The following TPRG1 variants were observed in gnomAD, a reference collection of about 807,000 sequenced individuals.
TPRG1 encodes tumor protein p63 regulated 1, also known as tumor protein p63-regulated gene 1 protein.
A neutral mutation model predicts 29.3 loss-of-function variants in TPRG1; 29 were observed. That is an observed-to-expected ratio of 0.99 (90% CI 0.74 to 1.35). The LOEUF (loss-of-function observed/expected upper bound fraction) is 1.35. Ranked by LOEUF, TPRG1 falls within the 40% of genes most tolerant of loss-of-function variation. The pLI is 0.00. For missense variants in TPRG1, 327 were observed against 335.0 expected, an observed-to-expected ratio of 0.98 and a Z score of 0.19; for synonymous variants, 130 against 116.8, an observed-to-expected ratio of 1.11 and a Z score of -0.73.
At chr3:189,033,409 G>A (rs918963286) in intron 4 of TPRG1, among the ~76,000 whole-genome samples, 60 of 151,886 alleles carry the variant, frequency 4.0e-4, no homozygotes, top group African/African-American at 1.5e-3. Context: ...AGCCTCCTGA[G>A]TACCTGGGAC....
chr3:189,083,191 G>A (rs1465451103), intron 4 of TPRG1, among the ~76,000 whole-genome samples: 1 of 152,178 alleles, frequency 6.6e-6, no homozygotes, highest in Admixed American at 6.5e-5. Flanking sequence ...GTGACACTGA[G>A]CTGGGGAGGT....
intron 4 of TPRG1, among the ~76,000 whole-genome samples, chr3:189,091,283 G>C (rs1198853528): frequency 6.6e-6 from 1 of 152,014 alleles, no homozygotes; most frequent in African/African-American, 2.4e-5. Flanking sequence ...CTTTGTATAT[G>C]TGACAGATGC....
At chr3:189,024,082 C>A in intron 4 of TPRG1, 1 of 152,470 alleles carries the variant, frequency 6.6e-6, no homozygotes, top group Non-Finnish European at 1.5e-5. Context: ...CCAAGGCACA[C>A]AGGCTAGACC....
At chr3:189,131,354 C>T (rs1034716583) in intron 2 of TPRG1, among the ~76,000 whole-genome samples, 9 of 151,896 alleles carry the variant, frequency 5.9e-5, no homozygotes, top group Non-Finnish European at 1.3e-4. Context: ...TATATGTATA[C>T]GTGTATATAC....
At chr3:189,272,713 C>CTCCTTCCTTCCTTCCTTCCT (rs59828840) in intron 4 of TPRG1, among the ~76,000 whole-genome samples, 29 of 132,516 alleles carry the variant, frequency 2.2e-4, no homozygotes, top group South Asian at 5.3e-4. Context: ...TTCTTTCTTT[C>CTCCTTCCTTCCTTCCTTCCT]TCCTTCCTTC....
chr3:189,085,956 G>A (rs762755593), intron 4 of TPRG1, among the ~76,000 whole-genome samples: 10 of 152,268 alleles, frequency 6.6e-5, no homozygotes, highest in Non-Finnish European at 1.2e-4. Context: ...ATGTATATAT[G>A]AAAGGGAATT....
intron 3 of TPRG1, among the ~76,000 whole-genome samples, chr3:189,007,342 G>A (rs1399885274): frequency 1.3e-5 from 2 of 152,006 alleles, no homozygotes; most frequent in African/African-American, 2.4e-5. Context: ...CAAAACCACA[G>A]TGAGATACCA....
intron 4 of TPRG1, 69 bp downstream of exon 4, chr3:189,238,978 A>G (rs1740038260): frequency 7.0e-7 from 1 of 1,429,544 alleles, no homozygotes; most frequent in Admixed American, 2.3e-5. Context: ...ACAAGCCGAA[A>G]ATTCAGTTTG....
intron 1 of TPRG1, among the ~76,000 whole-genome samples, chr3:189,203,365 C>T (rs1422255160): frequency 2.0e-5 from 3 of 151,924 alleles, no homozygotes; most frequent in Non-Finnish European, 4.4e-5. Context: ...AAAATCAGCA[C>T]TACTGCCATT....
At chr3:189,184,420 T>C (rs1014078192) in intron 1 of TPRG1, among the ~76,000 whole-genome samples, 3 of 152,184 alleles carry the variant, frequency 2.0e-5, no homozygotes, top group Admixed American at 2.0e-4. Context: ...CATAACTCCA[T>C]TGTTTAAGTA....
At chr3:189,227,779 A>G (rs1737988785) in intron 3 of TPRG1, among the ~76,000 whole-genome samples, 1 of 152,242 alleles carries the variant, frequency 6.6e-6, no homozygotes, top group South Asian at 2.1e-4. Context: ...GCCTCCAGCC[A>G]GAGTGCCAGA....
intron 3 of TPRG1, among the ~76,000 whole-genome samples, chr3:189,221,249 A>C (rs1045378723): frequency 6.6e-6 from 1 of 152,230 alleles, no homozygotes; most frequent in South Asian, 2.1e-4. Context: ...TAATCTTCAC[A>C]GTAACAGTCT....
intron 1 of TPRG1, 106 bp downstream of exon 1, chr3:189,172,237 C>T (rs1333959497): frequency 5.9e-5 from 9 of 152,372 alleles, no homozygotes; most frequent in African/African-American, 2.2e-4. Context: ...CCCCCACTGA[C>T]TTGCAGTTTG....
chr3:189,295,139 C>T (rs964023914), intron 4 of TPRG1, among the ~76,000 whole-genome samples: 1 of 152,164 alleles, frequency 6.6e-6, no homozygotes, highest in South Asian at 2.1e-4. Context: ...CTGGTTAAAT[C>T]GCCACTTCTT....
At chr3:189,123,841 C>T (rs1304526521) in intron 1 of TPRG1, 2 of 152,144 alleles carry the variant, frequency 1.3e-5, no homozygotes, top group Non-Finnish European at 2.9e-5. Flanking sequence ...AGTGATTCTC[C>T]CTGGGACTGG....
chr3:189,255,822 T>C (rs1711756270), intron 4 of TPRG1, among the ~76,000 whole-genome samples: 1 of 152,266 alleles, frequency 6.6e-6, no homozygotes, highest in Non-Finnish European at 1.5e-5. Context: ...GACGTGTTCA[T>C]AGTATTCTCT....
At chr3:189,165,922 A>C (rs1578627823) in intron 5 of TPRG1, among the ~76,000 whole-genome samples, 2 of 152,160 alleles carry the variant, frequency 1.3e-5, no homozygotes, top group Non-Finnish European at 2.9e-5. Context: ...TCAGGGACTA[A>C]GACAGACAAA....
At chr3:189,219,539 T>G in intron 3 of TPRG1, 1 of 1,202,654 alleles carries the variant, frequency 8.3e-7, no homozygotes, top group Non-Finnish European at 1.1e-6. Flanking sequence ...AAAAAGATTA[T>G]TTTAAAAAAA....
intron 4 of TPRG1, 102 bp from the exon 5 acceptor site, chr3:189,310,284 C>A: frequency 1.0e-6 from 1 of 984,740 alleles, no homozygotes; most frequent in Non-Finnish European, 1.4e-6. Flanking sequence ...AACAGTTTAA[C>A]TAGTTGGGAG....
Sources: gnomAD v4.1 joint callset for allele counts (sites outside exome capture counted in the v4.1 genomes callset) on GRCh38, gnomAD v4.1.1 for gene constraint, MANE v1.5 for transcripts, NCBI Gene and HGNC (gene_info 2026-07-23, HGNC 2026-07-21) for gene names.